Variants in MYO6 observed in about 807,000 individuals in gnomAD.
MYO6 encodes unconventional myosin-VI.
In MYO6, 74 loss-of-function variants were observed where a neutral mutation model predicts 178.7. The ratio of observed to expected loss-of-function variants is 0.41; its 90% CI spans 0.34 to 0.50. The LOEUF (loss-of-function observed/expected upper bound fraction) is 0.50. MYO6 is among the 20% of genes least tolerant of loss of function. The probability of loss-of-function intolerance (pLI) is 0.09; values close to 1 mark genes in which losing one functional copy is unlikely to be tolerated. For synonymous variants in MYO6, 477 were observed against 504.6 expected (o/e 0.95, Z 0.73); for missense variants, 1,330 against 1,547.4 (o/e 0.86, Z 2.36).
At chr6:75,816,300 T>C (rs1771238150) in intron 1 of MYO6, among the ~76,000 whole-genome samples, 1 of 152,236 alleles carries the variant, frequency 6.6e-6, no homozygotes. Flanking sequence ...AGGCAGAAAC[T>C]AACAGAACAG....
At chr6:75,749,509 CA>C (rs1291879764) in intron 1 of MYO6, 86 bp downstream of exon 1, 1 of 152,266 alleles carries the variant, frequency 6.6e-6, no homozygotes, top group Admixed American at 6.5e-5. Context: ...CCTCCTCGAG[CA>C]GCTCCGGGGC....
At chr6:75,903,544 G>T (rs1181135515) in intron 30 of MYO6, among the ~76,000 whole-genome samples, 2 of 151,914 alleles carry the variant, frequency 1.3e-5, no homozygotes, top group Admixed American at 6.6e-5. Context: ...GACTAGGATT[G>T]CAACCCCTGC....
chr6:75,855,211 A>G lies in MYO6; in HGVS notation c.1151A>G (p.Asp384Gly). ...YCAELLGLDQ[D>G]DLRVSLTTRV... ...GCTGAATTACTGGGTTTGGACCAAG[A>G]TGATCTTCGAGTAAGTTTGACCACA... Residue 384 changes from aspartate (D) to glycine (G), a missense_variant, in exon 12 of 35, where the codon GAT becomes GGT. This residue lies in a region of MYO6 where 613 missense variants were observed against 816.8 expected (regional missense o/e 0.75). Coordinates refer to ENST00000369977, the MANE Select transcript of MYO6 (RefSeq NM_004999.4). The G allele has an allele frequency of 6.2e-7, 1 of 1,613,666 alleles. No homozygotes were observed. The highest frequency in any genetic ancestry group is 8.5e-7 in the Non-Finnish European group (1 of 1,179,700).
chr6:75,905,026 G>A (rs1380214956), intron 30 of MYO6, among the ~76,000 whole-genome samples: 1 of 152,188 alleles, frequency 6.6e-6, no homozygotes, highest in African/African-American at 2.4e-5. Flanking sequence ...GTGCCTCCCA[G>A]TTAGGCTGCT....
At chr6:75,787,022 C>G (rs577403996) in intron 1 of MYO6, among the ~76,000 whole-genome samples, 5 of 152,194 alleles carry the variant, frequency 3.3e-5, no homozygotes, top group Non-Finnish European at 7.3e-5. Flanking sequence ...TTTAGTCTCA[C>G]GTCATCTGGA....
At chr6:75,898,451 A>G in intron 30 of MYO6, 40 bp downstream of exon 30, 1 of 1,519,880 alleles carries the variant, frequency 6.6e-7, no homozygotes, top group African/African-American at 1.4e-5. Flanking sequence ...TGTTCACCTC[A>G]AAATCATATT....
intron 1 of MYO6, among the ~76,000 whole-genome samples, chr6:75,771,711 A>G (rs536969006): frequency 6.6e-6 from 1 of 152,350 alleles, no homozygotes; most frequent in East Asian, 1.9e-4. Context: ...GAGAAGTCAA[A>G]TAATAGAATT....
intron 1 of MYO6, among the ~76,000 whole-genome samples, chr6:75,813,066 T>G (rs1770850286): frequency 1.3e-5 from 2 of 152,228 alleles, no homozygotes; most frequent in Admixed American, 1.3e-4. Context: ...AATTATAGTT[T>G]TAGAATATTC....
intron 3 of MYO6, among the ~76,000 whole-genome samples, chr6:75,823,668 A>G (rs947357302): frequency 2.0e-5 from 3 of 152,334 alleles, no homozygotes; most frequent in Middle Eastern, 3.4e-3. Context: ...TAAAACCCCC[A>G]TATGTAGAAT....
chr6:75,777,728 C>T (rs988170373), intron 1 of MYO6, among the ~76,000 whole-genome samples: 19 of 152,206 alleles, frequency 1.2e-4, no homozygotes, highest in African/African-American at 3.9e-4. Flanking sequence ...TAAACCACTG[C>T]ACCCAGCCAA....
intron 25 of MYO6, among the ~76,000 whole-genome samples, chr6:75,889,646 C>T (rs139676561): frequency 2.6e-5 from 4 of 152,312 alleles, no homozygotes; most frequent in African/African-American, 9.6e-5. Flanking sequence ...CTCCTGACCT[C>T]AGGTGATCTG....
chr6:75,836,304 G>T (rs1334100333), intron 7 of MYO6, among the ~76,000 whole-genome samples: 2 of 152,196 alleles, frequency 1.3e-5, no homozygotes, highest in Admixed American at 1.3e-4. Flanking sequence ...AGAGGAAGAA[G>T]GGTTATTTGG....
At chr6:75,848,845 C>CT (rs944940016) in intron 11 of MYO6, among the ~76,000 whole-genome samples, 37 of 151,812 alleles carry the variant, frequency 2.4e-4, no homozygotes, top group Admixed American at 7.9e-4. Flanking sequence ...TACACTTTTC[C>CT]AATAGGTGAG....
At chr6:75,823,833 T>A (rs542077918) in intron 3 of MYO6, among the ~76,000 whole-genome samples, 81 of 152,320 alleles carry the variant, frequency 5.3e-4, no homozygotes, top group Non-Finnish European at 9.3e-4. Flanking sequence ...ATGGAAGTAA[T>A]GTGTATGTTG....
rs1459659769 is a variant in MYO6, at chr6:75,750,181, C to T, written c.-48+758C>T. 3.3e-5 allele frequency among the ~76,000 whole-genome samples: 5 copies of T among 151,652 alleles called. No homozygotes were observed. The East Asian group carries it at 9.7e-4, about 29-fold the overall frequency. ...TGCGATTTCCTCTCACTGCACCCTC[C>T]CCCTCGCGGGTTCAAGCAATTCTCT... On this transcript the variant is annotated intron_variant, in intron 1 of 34. Transcript: ENST00000369977.
rs192353167 is a variant in MYO6, at chr6:75,794,807, C to T, written c.-47-22694C>T. On this transcript the variant is annotated intron_variant, in intron 1 of 34. Transcript: ENST00000369977. ...CTAATAAGAAAATTAATATAAAATG[C>T]GTCTTTGTGAATCACTGTTAATATT... Among the ~76,000 whole-genome samples the T allele has an allele frequency of 7.9e-5, 12 of 151,544 alleles. No homozygotes were observed. The East Asian group carries it at 9.7e-4, about 12-fold the overall frequency.
intron 12 of MYO6, among the ~76,000 whole-genome samples, chr6:75,856,480 CT>C (rs991393035): frequency 1.3e-5 from 2 of 149,854 alleles, no homozygotes; most frequent in Non-Finnish European, 3.0e-5. Context: ...CCAAATTTGA[CT>C]TTCTTTTTTT....
chr6:75,907,598 A>T lies in MYO6; in HGVS notation c.3177-7A>T. 2 of 1,604,912 alleles carry T rather than the reference A, an allele frequency of 1.2e-6. No individual in the cohort carries two copies. Among genetic ancestry groups the T allele is most frequent in the South Asian group, 2.2e-5 (2 of 90,918 alleles). On this transcript the variant is annotated splice_region_variant and splice_polypyrimidine_tract_variant and intron_variant, in intron 30 of 34. Coordinates refer to ENST00000369977, the MANE Select transcript of MYO6 (RefSeq NM_004999.4). ...TTTAAACATGCAAAAATGTGTAATAATTACAGAGGTCCTGCTGTACTAGCC... is the reference window on the plus strand; with the variant it reads ...TTTAAACATGCAAAAATGTGTAATATTTACAGAGGTCCTGCTGTACTAGCC...
intron 1 of MYO6, among the ~76,000 whole-genome samples, chr6:75,750,388 C>A (rs1776769502): frequency 6.6e-6 from 1 of 151,982 alleles, no homozygotes; most frequent in Non-Finnish European, 1.5e-5. Flanking sequence ...AGCCACTGCG[C>A]CTGGCCAAAT....
Sources: allele counts gnomAD v4.1 joint callset (sites outside exome capture counted in the v4.1 genomes callset), GRCh38; gene constraint gnomAD v4.1.1; regional missense constraint gnomAD v4.1.1; transcripts MANE v1.5; gene names NCBI Gene and HGNC (gene_info 2026-07-23, HGNC 2026-07-21).